CLVS1: variants seen among roughly 807,000 people sequenced by gnomAD.
The protein encoded by CLVS1 is clavesin 1.
Under a neutral mutation model 33.1 loss-of-function variants are expected in CLVS1, and 10 were observed. The observed-to-expected ratio is 0.30, with a 90% CI of 0.19 to 0.51. The LOEUF (loss-of-function observed/expected upper bound fraction) is 0.51, where lower values mean the gene tolerates loss of function less well. CLVS1 is among the 20% of genes least tolerant of loss of function. CLVS1 has a pLI of 0.97. For synonymous variants in CLVS1, 163 were observed against 166.1 expected (o/e 0.98, Z 0.14); for missense variants, 343 against 433.4 (o/e 0.79, Z 1.85).
intron 2 of CLVS1, among the ~76,000 whole-genome samples, chr8:61,368,771 A>G (rs1404430622): frequency 6.6e-6 from 1 of 152,226 alleles, no homozygotes; most frequent in African/African-American, 2.4e-5. Context: ...TATTCAATAC[A>G]TTATTTCTAA....
chr8:61,233,521 A>G (rs1334508584), intron 2 of CLVS1, among the ~76,000 whole-genome samples: 2 of 151,530 alleles, frequency 1.3e-5, no homozygotes, highest in Non-Finnish European at 2.9e-5. Flanking sequence ...AAAAAAAAAA[A>G]AAAGAAAGAA....
chr8:61,461,830 C>T (rs953799551), intron 5 of CLVS1, among the ~76,000 whole-genome samples: 2 of 152,110 alleles, frequency 1.3e-5, no homozygotes, highest in Non-Finnish European at 2.9e-5. Flanking sequence ...ATTGATACTC[C>T]CAGCTGTCTA....
chr8:60,974,739 A>G, the CLVS1 span, among the ~76,000 whole-genome samples: 14 of 151,858 alleles, frequency 9.2e-5, no homozygotes, highest in Middle Eastern at 3.4e-3. Flanking sequence ...AGATCACGCC[A>G]CTGCACTCCA....
At chr8:61,463,269 G>C (rs1206959040) in intron 5 of CLVS1, among the ~76,000 whole-genome samples, 1 of 152,186 alleles carries the variant, frequency 6.6e-6, no homozygotes, top group African/African-American at 2.4e-5. Flanking sequence ...GTTGCGGCTG[G>C]TTTGATCATC....
chr8:60,998,849 C>T, the CLVS1 span, among the ~76,000 whole-genome samples: 2 of 152,186 alleles, frequency 1.3e-5, no homozygotes, highest in Non-Finnish European at 2.9e-5. Context: ...GCTTGGGCTG[C>T]CGGACTCTGT....
At chr8:61,369,833 T>G (rs188425627) in intron 2 of CLVS1, among the ~76,000 whole-genome samples, 3 of 152,352 alleles carry the variant, frequency 2.0e-5, no homozygotes, top group East Asian at 1.9e-4. Flanking sequence ...AGGAGGATTT[T>G]TCCCCAGTCT....
chr8:60,972,936 G>A, the CLVS1 span, among the ~76,000 whole-genome samples: 1 of 152,186 alleles, frequency 6.6e-6, no homozygotes, highest in South Asian at 2.1e-4. Context: ...TTGGGCAGTG[G>A]ACAAGATGAA....
chr8:61,356,538 A>G (rs1812715228), intron 2 of CLVS1, among the ~76,000 whole-genome samples: 1 of 151,402 alleles, frequency 6.6e-6, no homozygotes, highest in Admixed American at 6.6e-5. Context: ...TAGGGTTTTT[A>G]TGGTTTTAGG....
At chr8:60,994,431 AT>A in the CLVS1 span, among the ~76,000 whole-genome samples, 1 of 152,250 alleles carries the variant, frequency 6.6e-6, no homozygotes, top group Non-Finnish European at 1.5e-5. Flanking sequence ...TAAAGCAAGC[AT>A]TTGGTAAACA....
intron 2 of CLVS1, among the ~76,000 whole-genome samples, chr8:61,250,459 T>C (rs1808915196): frequency 6.6e-6 from 1 of 152,192 alleles, no homozygotes; most frequent in African/African-American, 2.4e-5. Context: ...GTGAAGAAAG[T>C]CAGTGGTAGC....
intron 3 of CLVS1, among the ~76,000 whole-genome samples, chr8:61,395,550 C>A (rs77152739): frequency 0.01 from 1,531 of 152,102 alleles, 24 homozygotes; most frequent in East Asian, 0.079. Flanking sequence ...ACACATAGAT[C>A]AAAAATAACA....
chr8:61,143,707 A>T (rs1433263140), intron 2 of CLVS1, among the ~76,000 whole-genome samples: 1 of 149,900 alleles, frequency 6.7e-6, no homozygotes, highest in Non-Finnish European at 1.5e-5. Context: ...AAATTACTCT[A>T]TGCTGGATCT....
At chr8:61,418,801 G>A (rs1815541342) in intron 3 of CLVS1, among the ~76,000 whole-genome samples, 1 of 152,210 alleles carries the variant, frequency 6.6e-6, no homozygotes, top group East Asian at 1.9e-4. Flanking sequence ...CTGAGTGAAG[G>A]AATGAGTGAG....
chr8:61,498,450 C>A (rs1274926411), intron 5 of CLVS1, among the ~76,000 whole-genome samples: 1 of 152,160 alleles, frequency 6.6e-6, no homozygotes, highest in Non-Finnish European at 1.5e-5. Context: ...CTTATTTGAA[C>A]AATTTAACCA....
the CLVS1 span, among the ~76,000 whole-genome samples, chr8:61,007,286 T>C: frequency 6.6e-6 from 1 of 152,236 alleles, no homozygotes; most frequent in Non-Finnish European, 1.5e-5. Context: ...GAAGATGTTT[T>C]ATAGTAGCAG....
chr8:61,115,703 C>G lies in CLVS1; in HGVS notation c.-242-16067C>G, dbSNP rs376476781. ...TCCATGTCCCTACAAAGGACATGAA[C>G]TCATCATTTTTTATGGCTGCATAGT... On this transcript the variant is annotated intron_variant, in intron 1 of 2. Transcript: ENST00000522621. 1.3e-4 allele frequency among the ~76,000 whole-genome samples: 19 copies of G among 150,974 alleles called. No homozygotes were observed. The South Asian group carries it at 3.6e-3, about 29-fold the overall frequency.
the CLVS1 span, among the ~76,000 whole-genome samples, chr8:60,982,619 C>T: frequency 5.9e-5 from 9 of 152,128 alleles, no homozygotes; most frequent in Admixed American, 5.9e-4. Flanking sequence ...TGCCCCCAGC[C>T]CCTGATACCT....
intron 2 of CLVS1, among the ~76,000 whole-genome samples, chr8:61,331,676 A>G (rs1455038796): frequency 1.3e-5 from 2 of 152,022 alleles, no homozygotes; most frequent in South Asian, 2.1e-4. Context: ...TTTTTTGGCT[A>G]TGGTTGTCAA....
intron 1 of CLVS1, among the ~76,000 whole-genome samples, chr8:61,288,596 C>T (rs1239535317): frequency 1.3e-5 from 2 of 152,352 alleles, no homozygotes; most frequent in East Asian, 3.9e-4. Context: ...AGACCCCAGG[C>T]ACGGGGACAG....
Sources: gnomAD v4.1 joint callset for allele counts (sites outside exome capture counted in the v4.1 genomes callset) on GRCh38, gnomAD v4.1.1 for gene constraint, MANE v1.5 for transcripts, NCBI Gene and HGNC (gene_info 2026-07-23, HGNC 2026-07-21) for gene names.